NALF1: variants seen among roughly 807,000 people sequenced by gnomAD.
The protein encoded by NALF1 is NALCN channel auxiliary factor 1.
Under a neutral mutation model 48.4 loss-of-function variants are expected in NALF1, and 3 were observed. That is an observed-to-expected ratio of 0.06 (90% CI 0.03 to 0.16). The LOEUF (loss-of-function observed/expected upper bound fraction) is 0.16, where lower values mean the gene tolerates loss of function less well. Ranked by LOEUF, NALF1 falls within the 10% of genes least tolerant of loss-of-function variation. The pLI, the probability that NALF1 is intolerant of heterozygous loss-of-function variation, is 1.00. For synonymous variants in NALF1, 262 were observed against 245.7 expected (o/e 1.07, Z -0.62); for missense variants, 526 against 571.5 (o/e 0.92, Z 0.81).
At chr13:107,248,910 A>C (rs911828452) in intron 1 of NALF1, among the ~76,000 whole-genome samples, 6 of 145,708 alleles carry the variant, frequency 4.1e-5, no homozygotes, top group African/African-American at 1.4e-4. Flanking sequence ...ATTCAAAAAA[A>C]ATTTCTGGAG....
chr13:107,219,807 G>T (rs1340774258), intron 1 of NALF1, among the ~76,000 whole-genome samples: 1 of 151,758 alleles, frequency 6.6e-6, no homozygotes, highest in Admixed American at 6.6e-5. Flanking sequence ...GTAGAAATGG[G>T]CAAAAAAAAG....
At chr13:107,528,458 A>C (rs544789982) in intron 1 of NALF1, among the ~76,000 whole-genome samples, 1 of 152,218 alleles carries the variant, frequency 6.6e-6, no homozygotes, top group East Asian at 1.9e-4. Context: ...GAATTCACTG[A>C]CTGGGTCACA....
intron 1 of NALF1, among the ~76,000 whole-genome samples, chr13:107,857,609 A>C (rs1030665521): frequency 6.6e-6 from 1 of 152,226 alleles, no homozygotes; most frequent in Non-Finnish European, 1.5e-5. Context: ...AAATTAAAAT[A>C]GAGAAAAAAA....
At chr13:107,175,765 T>C (rs1416321340) in intron 2 of NALF1, among the ~76,000 whole-genome samples, 3 of 152,196 alleles carry the variant, frequency 2.0e-5, no homozygotes, top group Admixed American at 6.5e-5. Flanking sequence ...ACTCCTCCAG[T>C]TGGCAGTGCT....
At chr13:107,485,622 T>C (rs1311444340) in intron 1 of NALF1, among the ~76,000 whole-genome samples, 1 of 152,190 alleles carries the variant, frequency 6.6e-6, no homozygotes, top group Non-Finnish European at 1.5e-5. Flanking sequence ...TATTTCTATA[T>C]TTCTTGTACT....
At chr13:107,464,728 C>G (rs1884972896) in intron 1 of NALF1, among the ~76,000 whole-genome samples, 1 of 152,064 alleles carries the variant, frequency 6.6e-6, no homozygotes, top group African/African-American at 2.4e-5. Flanking sequence ...CCATGTTGGT[C>G]AGGCTGGTCT....
At chr13:107,411,963 G>A (rs1883999959) in intron 1 of NALF1, among the ~76,000 whole-genome samples, 2 of 152,116 alleles carry the variant, frequency 1.3e-5, no homozygotes, top group South Asian at 4.1e-4. Flanking sequence ...CTAACATGGA[G>A]GCCACAAGGT....
At chr13:107,600,221 A>T (rs983610340) in intron 1 of NALF1, among the ~76,000 whole-genome samples, 1 of 152,198 alleles carries the variant, frequency 6.6e-6, no homozygotes, top group African/African-American at 2.4e-5. Flanking sequence ...TGCAGCAATA[A>T]AATTTCATTA....
At chr13:107,432,769 T>A (rs1219020622) in intron 1 of NALF1, among the ~76,000 whole-genome samples, 1 of 152,218 alleles carries the variant, frequency 6.6e-6, no homozygotes, top group Non-Finnish European at 1.5e-5. Context: ...CTGTTACCTA[T>A]GCTATCTTCA....
At chr13:107,607,757 A>G (rs986573757) in intron 1 of NALF1, among the ~76,000 whole-genome samples, 2 of 152,016 alleles carry the variant, frequency 1.3e-5, no homozygotes, top group Non-Finnish European at 2.9e-5. Flanking sequence ...TTACTTAACT[A>G]CCCTTGCCTT....
Position 107,794,884 on chromosome 13 carries a change from A to G in NALF1, c.915+70798T>C, listed in dbSNP as rs1185938983. On this transcript the variant is annotated intron_variant, in intron 1 of 2. Transcript: ENST00000375915. Reference sequence around the variant, plus strand: ...ACAAAATAATTGGTTTATTTTAATAAAAGGCAAATATTTTTCTGAACAAGT... The same window carrying G: ...ACAAAATAATTGGTTTATTTTAATAGAAGGCAAATATTTTTCTGAACAAGT... 3.3e-5 allele frequency among the ~76,000 whole-genome samples: 5 copies of G among 152,304 alleles called. No individual in the cohort carries two copies. In the East Asian group the frequency reaches 9.6e-4, roughly 29 times the overall value.
At chr13:107,459,392 A>AAT (rs143428781) in intron 1 of NALF1, among the ~76,000 whole-genome samples, 58,202 of 150,534 alleles carry the variant, frequency 0.39, 12,192 homozygotes, top group Middle Eastern at 0.52. Context: ...AAAACATACA[A>AAT]ATATATATAT....
chr13:107,512,094 G>C (rs185440712), intron 1 of NALF1, among the ~76,000 whole-genome samples: 103 of 152,304 alleles, frequency 6.8e-4, no homozygotes, highest in African/African-American at 2.4e-3. Context: ...GTGATCTTTA[G>C]AAAAACCTGG....
rs1296374614 is a variant in NALF1, at chr13:107,166,415, A to G, written c.*4082T>C. ...AGCTTGAGCAACAGAGCAAGATGCC[A>G]TCTCAAAAAACAAACAAACACACAG... On this transcript the variant is annotated 3_prime_UTR_variant, in exon 3 of 3. Coordinates refer to ENST00000375915, the MANE Select transcript of NALF1 (RefSeq NM_001080396.3). 2.0e-5 allele frequency: 3 copies of G among 152,246 alleles called. No homozygotes were observed. The highest frequency in any genetic ancestry group is 2.1e-4 in the South Asian group (1 of 4,832). The allele number at this position is 152,246 out of a possible 1,614,324, so 9.4% of individuals were successfully genotyped here.
rs969749762 is a variant in NALF1 at position 107,163,797 on chromosome 13, A to G, written c.*6700T>C. 2.0e-5 allele frequency: 3 copies of G among 152,224 alleles called. No homozygotes were observed. Among genetic ancestry groups the G allele is most frequent in the Non-Finnish European group, 1.5e-5 (1 of 68,030 alleles). 9.4% of individuals were successfully genotyped at this position (152,224 alleles called of 1,614,324 possible). A position where few individuals can be genotyped will look rare whatever the true frequency, so the allele number is the denominator to read the frequency against. ...CAACATCAACAAATCTAAGAAAAAT[A>G]GAAATAAGGAAAATTAAGTGCAAAC... On this transcript the variant is annotated 3_prime_UTR_variant, in exon 3 of 3. Transcript: ENST00000375915.
intron 1 of NALF1, among the ~76,000 whole-genome samples, chr13:107,263,707 G>A (rs1880983212): frequency 6.6e-6 from 1 of 152,154 alleles, no homozygotes; most frequent in Non-Finnish European, 1.5e-5. Flanking sequence ...CCCCAGCCAT[G>A]TGGAACTGTG....
intron 1 of NALF1, among the ~76,000 whole-genome samples, chr13:107,432,022 C>G (rs936533943): frequency 2.6e-5 from 4 of 152,084 alleles, no homozygotes; most frequent in African/African-American, 9.7e-5. Context: ...TGAAACTGGG[C>G]CATTTACAAA....
chr13:107,335,791 T>C (rs1882544605), intron 1 of NALF1, among the ~76,000 whole-genome samples: 1 of 152,228 alleles, frequency 6.6e-6, no homozygotes, highest in African/African-American at 2.4e-5. Context: ...GTCGATTCTA[T>C]CCCACGATTC....
chr13:107,839,605 C>T (rs889518173), intron 1 of NALF1, among the ~76,000 whole-genome samples: 2 of 151,176 alleles, frequency 1.3e-5, no homozygotes, highest in African/African-American at 2.4e-5. Flanking sequence ...GAAACTTGCC[C>T]GATGACACAC....
Sources: allele counts gnomAD v4.1 joint callset (sites outside exome capture counted in the v4.1 genomes callset), GRCh38; gene constraint gnomAD v4.1.1; transcripts MANE v1.5; gene names NCBI Gene and HGNC (gene_info 2026-07-23, HGNC 2026-07-21).